Variants in OSER1 observed in about 807,000 individuals in gnomAD.
The protein encoded by OSER1 is oxidative stress responsive serine rich 1, also known as oxidative stress-responsive serine-rich protein 1.
Under a neutral mutation model 26.3 loss-of-function variants are expected in OSER1, and 15 were observed. The observed-to-expected ratio is 0.57, with a 90% confidence interval of 0.38 to 0.88. The LOEUF (loss-of-function observed/expected upper bound fraction) is 0.88, where lower values mean the gene tolerates loss of function less well. Among genes scored for constraint, OSER1 ranks in the 40% least tolerant of loss-of-function variants. The pLI is 0.00. For missense variants in OSER1, 313 were observed against 353.9 expected (o/e 0.88, Z 0.93); for synonymous variants, 127 against 128.2 (o/e 0.99, Z 0.07).
In OSER1 at chr20:44,197,539, G is replaced by C; in HGVS notation, c.392C>G (p.Ala131Gly). 1 of 1,614,056 alleles carries C rather than the reference G, an allele frequency of 6.2e-7. No homozygotes were observed. The highest frequency in any genetic ancestry group is 1.1e-5 in the South Asian group (1 of 91,072). Residue 131 changes from alanine (A) to glycine (G), a missense_variant, in exon 4 of 4, where the codon GCA (alanine) becomes GGA (glycine). By Grantham distance (60) the Ala-to-Gly change is moderately conservative (BLOSUM62 0). This residue lies in a region of OSER1 where 300 missense variants were observed against 318.3 expected (regional missense o/e 0.94). Transcript: ENST00000255174. ...ATCGAGAGAAGTAGAGCTTTCTCCT[G>C]CACTGAACTCTTTAGGGGATGAAAT... ...LGISSPKEFS[A>G]GESSTSLDAN...
upstream of OSER1, among the ~76,000 whole-genome samples, chr20:44,211,733 G>A (rs541156079): frequency 6.6e-6 from 1 of 152,298 alleles, no homozygotes; most frequent in Non-Finnish European, 1.5e-5. Flanking sequence ...GCTGCCACCC[G>A]CTCCATCACC....
In OSER1 at chr20:44,197,517, G is replaced by C. The variant is rs139064502; in HGVS notation, c.414C>G (p.Leu138=). 7.2e-3 allele frequency: 11,639 copies of C among 1,614,024 alleles called. 72 individuals are homozygous for C. The highest frequency in any genetic ancestry group is 0.015 in the South Asian group (1,347 of 91,076). The change falls in exon 4 of 4, where the codon CTC becomes CTG. Residue 138 remains leucine, a synonymous_variant. Transcript: ENST00000255174. The part of the protein sequence containing the change: ...EFSAGESSTS[L]DANHTGAVVE... ...CGACTGCCCCTGTGTGATTAGCATC[G>C]AGAGAAGTAGAGCTTTCTCCTGCAC...
chr20:44,199,116 C>A (rs768808048), intron 3 of OSER1, among the ~76,000 whole-genome samples: 1 of 152,152 alleles, frequency 6.6e-6, no homozygotes, highest in African/African-American at 2.4e-5. Flanking sequence ...TTGGGTATAC[C>A]AAGAAAAGCC....
chr20:44,199,880 G>A (rs1277736210), intron 3 of OSER1, among the ~76,000 whole-genome samples: 2 of 152,172 alleles, frequency 1.3e-5, no homozygotes, highest in Non-Finnish European at 2.9e-5. Flanking sequence ...GGATAAGAGG[G>A]GACTTGTACA....
At chr20:44,208,980 C>T (rs1600499616) in intron 1 of OSER1, among the ~76,000 whole-genome samples, 1 of 152,208 alleles carries the variant, frequency 6.6e-6, no homozygotes, top group African/African-American at 2.4e-5. Flanking sequence ...ATTCCTACCA[C>T]GTGCATGGCA....
intron 1 of OSER1, 50 bp downstream of exon 1, chr20:44,210,646 A>C (rs2073095736): frequency 6.6e-6 from 1 of 152,442 alleles, no homozygotes. Context: ...CCGGCAGTGG[A>C]AGCTGAGACG....
intron 2 of OSER1, among the ~76,000 whole-genome samples, chr20:44,205,470 A>G (rs2073028579): frequency 6.6e-6 from 1 of 152,228 alleles, no homozygotes; most frequent in Non-Finnish European, 1.5e-5. Context: ...ATGAGCACCT[A>G]TAACATCTAC....
rs1278109345 is a variant in OSER1, at chr20:44,196,850, T to C, written c.*202A>G. On this transcript the variant is annotated 3_prime_UTR_variant, in exon 4 of 4. Transcript: ENST00000255174. ...TAAGGGGGATTTTTCTTTGATCTGCTCGCCTTGAAGTGTATGTAAGAACTC... is the reference window on the plus strand; with the variant it reads ...TAAGGGGGATTTTTCTTTGATCTGCCCGCCTTGAAGTGTATGTAAGAACTC... 5.8e-6 allele frequency: 3 copies of C among 515,834 alleles called. No individual in the cohort carries two copies. Among genetic ancestry groups the C allele is most frequent in the African/African-American group, 3.8e-5 (2 of 52,666 alleles). The allele number at this position is 515,834 out of a possible 1,614,324, so 32.0% of individuals were successfully genotyped here. A position where few individuals can be genotyped will look rare whatever the true frequency, so the allele number is the denominator to read the frequency against.
chr20:44,207,957 A>G (rs1375165156), intron 1 of OSER1, among the ~76,000 whole-genome samples: 1 of 152,244 alleles, frequency 6.6e-6, no homozygotes, highest in African/African-American at 2.4e-5. Context: ...ACTCAGGGTT[A>G]TTAGTACCAA....
At chr20:44,201,284 A>G (rs770014631) in intron 3 of OSER1, among the ~76,000 whole-genome samples, 1 of 152,240 alleles carries the variant, frequency 6.6e-6, no homozygotes, top group Non-Finnish European at 1.5e-5. Context: ...TCTAACAGAC[A>G]TAAGCATCCT....
At chr20:44,202,367 C>A (rs1200008803) in intron 3 of OSER1, among the ~76,000 whole-genome samples, 1 of 150,956 alleles carries the variant, frequency 6.6e-6, no homozygotes, top group Non-Finnish European at 1.5e-5. Flanking sequence ...AGAGCAAGAA[C>A]AAGATTCCAT....
At chr20:44,210,583 G>C (rs2073094168) in intron 1 of OSER1, 113 bp downstream of exon 1, 1 of 152,338 alleles carries the variant, frequency 6.6e-6, no homozygotes, top group South Asian at 2.1e-4. Context: ...GAGGCGTCGG[G>C]AGACGACGCG....
In OSER1 at chr20:44,198,156, C is replaced by A. The variant is rs183942680; in HGVS notation, c.192-417G>T. Among the ~76,000 whole-genome samples the A allele has an allele frequency of 3.9e-5, 6 of 152,276 alleles. No homozygotes were observed. In the East Asian group the frequency reaches 1.2e-3, roughly 29 times the overall value. ...TAGCAGCTTCAGAACCACTGTGAGG[C>A]TAACGTTACAAATGACCATTATGCC... On this transcript the variant is annotated intron_variant, in intron 3 of 3. Coordinates refer to ENST00000255174, the MANE Select transcript of OSER1 (RefSeq NM_016470.8).
Position 44,196,416 on chromosome 20 carries a change from G to C in OSER1, c.*636C>G, listed in dbSNP as rs543370712. The C allele has an allele frequency of 1.3e-5, 2 of 152,098 alleles. No individual in the cohort carries two copies. The highest frequency in any genetic ancestry group is 4.8e-5 in the African/African-American group (2 of 41,490). The allele number at this position is 152,098 out of a possible 1,614,324, so 9.4% of individuals were successfully genotyped here. A position where few individuals can be genotyped will look rare whatever the true frequency, so the allele number is the denominator to read the frequency against. Reference sequence around the variant, plus strand: ...GCAGCCCATTCCAAGCTGCTTACTTGAAACTGCATGTAACATGTCTTAGGA... The same window carrying C: ...GCAGCCCATTCCAAGCTGCTTACTTCAAACTGCATGTAACATGTCTTAGGA... On this transcript the variant is annotated 3_prime_UTR_variant, in exon 4 of 4. Transcript: ENST00000255174.
chr20:44,204,618 T>C (rs944108028), intron 2 of OSER1, among the ~76,000 whole-genome samples: 3 of 152,182 alleles, frequency 2.0e-5, no homozygotes, highest in Non-Finnish European at 4.4e-5. Flanking sequence ...CAGTACCCTA[T>C]AGGTAGGTTT....
chr20:44,199,168 T>G (rs2072955259), intron 3 of OSER1, among the ~76,000 whole-genome samples: 1 of 152,174 alleles, frequency 6.6e-6, no homozygotes, highest in Non-Finnish European at 1.5e-5. Context: ...CACCCAAAAG[T>G]TCATGTGTTG....
chr20:44,201,942 C>G (rs960111421), intron 3 of OSER1, among the ~76,000 whole-genome samples: 1 of 151,942 alleles, frequency 6.6e-6, no homozygotes, highest in Admixed American at 6.6e-5. Context: ...CTGAAGATAC[C>G]AATAATCAAA....
intron 3 of OSER1, 127 bp downstream of exon 3, chr20:44,202,834 G>C (rs1216659606): frequency 2.1e-6 from 1 of 480,760 alleles, no homozygotes; most frequent in Non-Finnish European, 3.7e-6. Flanking sequence ...AGAAGGAATA[G>C]GTCCTCATCT....
Position 44,197,015 on chromosome 20 carries a change from T to C in OSER1, c.*37A>G. 6.9e-7 allele frequency: 1 copy of C among 1,440,072 alleles called. No homozygotes were observed. The highest frequency in any genetic ancestry group is 2.3e-5 in the East Asian group (1 of 43,534). The allele number at this position is 1,440,072 out of a possible 1,614,324, so 89.2% of individuals were successfully genotyped here. ...ATTAACTAAATCTCTTTGACAAGCC[T>C]TCATTGGTTTAAAGCATATGAATTA... On this transcript the variant is annotated 3_prime_UTR_variant, in exon 4 of 4. Coordinates refer to ENST00000255174, the MANE Select transcript of OSER1 (RefSeq NM_016470.8).
Sources: gnomAD v4.1 joint callset for allele counts (sites outside exome capture counted in the v4.1 genomes callset) on GRCh38, gnomAD v4.1.1 for gene constraint, gnomAD v4.1.1 regional missense constraint, MANE v1.5 for transcripts, NCBI Gene and HGNC (gene_info 2026-07-23, HGNC 2026-07-21) for gene names.